Variants in ARHGAP28 observed in about 807,000 individuals in gnomAD.
ARHGAP28 encodes Rho GTPase activating protein 28, also known as rho GTPase-activating protein 28.
Under a neutral mutation model 90.7 loss-of-function variants are expected in ARHGAP28, and 56 were observed. The observed-to-expected ratio is 0.62, with a 90% confidence interval of 0.50 to 0.77. ARHGAP28 has a LOEUF of 0.77. ARHGAP28 is among the 30% of genes least tolerant of loss of function. The pLI is 0.00. For missense variants in ARHGAP28, 869 were observed against 900.9 expected, an observed-to-expected ratio of 0.96 and a Z score of 0.45; for synonymous variants, 308 against 323.3, an observed-to-expected ratio of 0.95 and a Z score of 0.51.
chr18:6,790,157 G>A (rs957855608), intron 1 of ARHGAP28: 1 of 152,052 alleles, frequency 6.6e-6, no homozygotes, highest in African/African-American at 2.4e-5. Context: ...TTTCTTTAAT[G>A]GTTGTTCCCA....
In ARHGAP28 at chr18:6,842,201, A is replaced by T. The variant is rs190455351; in HGVS notation, c.543+4787A>T. Among the ~76,000 whole-genome samples, 492 of 152,198 alleles carry T rather than the reference A, an allele frequency of 3.2e-3. 13 individuals carry two copies. The highest frequency in any genetic ancestry group is 7.6e-4 in the Non-Finnish European group (52 of 68,010). On this transcript the variant is annotated intron_variant, in intron 3 of 17. Coordinates refer to ENST00000383472, the MANE Select transcript of ARHGAP28 (RefSeq NM_001366230.1). ...ATGTCTCTACAAAAAAAATTTTTTTAAATTAGCCAGTTGCGGTGGCACGTA... is the reference window on the plus strand; with the variant it reads ...ATGTCTCTACAAAAAAAATTTTTTTTAATTAGCCAGTTGCGGTGGCACGTA...
intron 1 of ARHGAP28, among the ~76,000 whole-genome samples, chr18:6,747,090 C>G (rs1241232445): frequency 1.4e-5 from 2 of 138,906 alleles, no homozygotes; most frequent in African/African-American, 5.5e-5. Flanking sequence ...TTTTTTTTAG[C>G]AAACATTAAT....
At chr18:6,878,871 T>G (rs1355285481) in intron 10 of ARHGAP28, among the ~76,000 whole-genome samples, 3 of 152,222 alleles carry the variant, frequency 2.0e-5, no homozygotes, top group African/African-American at 7.2e-5. Context: ...TCCTCTCCTT[T>G]ATTCAAACTT....
chr18:6,744,569 C>T (rs934581086), intron 1 of ARHGAP28, among the ~76,000 whole-genome samples: 1 of 152,130 alleles, frequency 6.6e-6, no homozygotes, highest in Admixed American at 6.5e-5. Context: ...TTGAACTGTA[C>T]TTATTTAATT....
intron 1 of ARHGAP28, among the ~76,000 whole-genome samples, chr18:6,810,320 T>C (rs1239583385): frequency 6.6e-6 from 1 of 152,154 alleles, no homozygotes; most frequent in Non-Finnish European, 1.5e-5. Context: ...CAGATAGCAG[T>C]GGAAGGAAAG....
At chr18:6,813,110 A>G (rs2056567974) in intron 1 of ARHGAP28, among the ~76,000 whole-genome samples, 1 of 152,226 alleles carries the variant, frequency 6.6e-6, no homozygotes, top group Non-Finnish European at 1.5e-5. Context: ...TAACTTGGCT[A>G]TGATACTTTG....
At chr18:6,771,521 T>C (rs994657350) in intron 1 of ARHGAP28, among the ~76,000 whole-genome samples, 3 of 152,188 alleles carry the variant, frequency 2.0e-5, no homozygotes, top group Non-Finnish European at 4.4e-5. Flanking sequence ...GGAATTATGT[T>C]CCACATGATC....
chr18:6,785,088 T>C (rs555913427), intron 1 of ARHGAP28, among the ~76,000 whole-genome samples: 1 of 152,292 alleles, frequency 6.6e-6, no homozygotes, highest in South Asian at 2.1e-4. Flanking sequence ...TTAATTTCAG[T>C]GCTTGTTAAA....
chr18:6,846,532 AT>A (rs1158451069), intron 3 of ARHGAP28, among the ~76,000 whole-genome samples: 10 of 150,594 alleles, frequency 6.6e-5, no homozygotes, highest in South Asian at 4.2e-4. Context: ...TTTTGTCTCT[AT>A]TTTTTTTTCT....
chr18:6,840,853 G>C (rs968384381), intron 3 of ARHGAP28, among the ~76,000 whole-genome samples: 2 of 152,140 alleles, frequency 1.3e-5, no homozygotes, highest in Non-Finnish European at 2.9e-5. Context: ...CATTGTATAA[G>C]CTGCTTAGAA....
In ARHGAP28 at chr18:6,730,219, G is replaced by A. The variant is rs1195353948; in HGVS notation, c.122+276G>A. 2.7e-3 allele frequency: 436 copies of A among 158,682 alleles called. 8 individuals carry two copies. Among genetic ancestry groups the A allele is most frequent in the African/African-American group, 0.013 (415 of 30,746 alleles). The allele number at this position is 158,682 out of a possible 1,614,324, so 9.8% of individuals were successfully genotyped here. On this transcript the variant is annotated intron_variant, in intron 1 of 17. Transcript: ENST00000383472. ...TTGATACGATTTGAGGATAAGTCATGTGTATATATATATATATACCTCATT... is the reference window on the plus strand; with the variant it reads ...TTGATACGATTTGAGGATAAGTCATATGTATATATATATATATACCTCATT...
intron 17 of ARHGAP28, 114 bp from the exon 18 acceptor site, chr18:6,911,946 A>C (rs1378978287): frequency 1.9e-6 from 1 of 534,658 alleles, no homozygotes; most frequent in Non-Finnish European, 3.1e-6. Flanking sequence ...TACTTTGGCC[A>C]AGAAAACTAT....
intron 10 of ARHGAP28, among the ~76,000 whole-genome samples, chr18:6,879,811 A>C (rs1403727358): frequency 6.6e-6 from 1 of 152,132 alleles, no homozygotes; most frequent in African/African-American, 2.4e-5. Context: ...ATTTGTTTTG[A>C]TCTTGGGAAT....
intron 3 of ARHGAP28, among the ~76,000 whole-genome samples, chr18:6,844,582 A>G (rs921254181): frequency 6.6e-6 from 1 of 152,364 alleles, no homozygotes; most frequent in African/African-American, 2.4e-5. Context: ...TTATTGCACA[A>G]TTAAATTTCG....
intron 1 of ARHGAP28, among the ~76,000 whole-genome samples, chr18:6,808,416 T>C (rs1046471299): frequency 1.3e-5 from 2 of 152,212 alleles, no homozygotes; most frequent in Non-Finnish European, 2.9e-5. Flanking sequence ...TCTATTGAGA[T>C]TTTTCTTCTC....
At position 6,841,185 on chromosome 18, in the gene ARHGAP28, C is replaced by T. The variant is rs1045441616; in HGVS notation, c.543+3771C>T. Among the ~76,000 whole-genome samples the T allele has an allele frequency of 4.1e-3, 229 of 56,422 alleles. 1 individual carries two copies. The Middle Eastern group carries it at 0.045, about 11-fold the overall frequency. 37.0% of individuals were successfully genotyped at this position (56,422 alleles called of 152,430 possible). ...TCTCTCTCCTCTCTCTCTCTCCTCT[C>T]TCTCTCTCTCTCTCTCTCCTCTCCT... is the stretch of plus-strand genomic sequence containing the variant. On this transcript the variant is annotated intron_variant, in intron 3 of 17. Transcript: ENST00000383472.
In ARHGAP28 at chr18:6,887,128, A is replaced by G. The variant is rs147455581; in HGVS notation, c.1454-29A>G. 390 of 1,595,210 alleles carry G rather than the reference A, an allele frequency of 2.4e-4. 1 individual carries two copies. In the African/African-American group the frequency reaches 5.0e-3, roughly 20 times the overall value. On this transcript the variant is annotated intron_variant, in intron 11 of 17. Coordinates refer to ENST00000383472, the MANE Select transcript of ARHGAP28 (RefSeq NM_001366230.1). ...TCAGGATGCATCAGGGCTATTTAAA[A>G]TGTATGACTATTTCTGTTTTCTTGT... is the stretch of plus-strand genomic sequence containing the variant.
At chr18:6,796,486 C>T (rs894463698) in intron 1 of ARHGAP28, among the ~76,000 whole-genome samples, 3 of 151,948 alleles carry the variant, frequency 2.0e-5, no homozygotes, top group Admixed American at 1.3e-4. Context: ...TAACAATAGC[C>T]GTTTTATTGA....
intron 1 of ARHGAP28, among the ~76,000 whole-genome samples, chr18:6,809,347 A>G (rs2056540349): frequency 6.6e-6 from 1 of 152,208 alleles, no homozygotes; most frequent in South Asian, 2.1e-4. Flanking sequence ...CATATAAAGT[A>G]TTTGTTTTGG....
Sources: gnomAD v4.1 joint callset for allele counts (sites outside exome capture counted in the v4.1 genomes callset) on GRCh38, gnomAD v4.1.1 for gene constraint, MANE v1.5 for transcripts, NCBI Gene and HGNC (gene_info 2026-07-23, HGNC 2026-07-21) for gene names.